The following TMEM131 variants were observed in gnomAD, a reference collection of about 807,000 sequenced individuals.
The protein encoded by TMEM131 is transmembrane protein 131, also known as 2610524E03Rik.
Under a neutral mutation model 211.6 loss-of-function variants are expected in TMEM131, and 66 were observed. The ratio of observed to expected loss-of-function variants is 0.31; its 90% CI spans 0.26 to 0.38. The LOEUF (loss-of-function observed/expected upper bound fraction) is 0.38. TMEM131 is among the 10% of genes least tolerant of loss of function. The pLI is 1.00. For missense variants in TMEM131, 2,036 were observed against 2,299.3 expected (o/e 0.89, Z 2.34); for synonymous variants, 844 against 841.3 (o/e 1.00, Z -0.06).
At chr2:97,850,220 G>A (rs577341122) in intron 5 of TMEM131, among the ~76,000 whole-genome samples, 1 of 152,208 alleles carries the variant, frequency 6.6e-6, no homozygotes, top group South Asian at 2.1e-4. Context: ...AAAAGAGAAT[G>A]TTCAAAAATG....
At chr2:97,995,212 G>A (rs1680439520) in intron 1 of TMEM131, among the ~76,000 whole-genome samples, 3 of 152,366 alleles carry the variant, frequency 2.0e-5, no homozygotes, top group Admixed American at 1.3e-4. Flanking sequence ...CTACCTAGCG[G>A]GCCAAGTGGC....
chr2:97,847,113 C>A, intron 5 of TMEM131, among the ~76,000 whole-genome samples: 1 of 125,946 alleles, frequency 7.9e-6, no homozygotes, highest in South Asian at 2.4e-4. Flanking sequence ...CGCTTGAACC[C>A]GGGAGACAGA....
At chr2:97,831,034 G>A (rs1682657380) in intron 11 of TMEM131, among the ~76,000 whole-genome samples, 1 of 152,198 alleles carries the variant, frequency 6.6e-6, no homozygotes, top group Non-Finnish European at 1.5e-5. Context: ...ACCTTAAGAA[G>A]AGCTCTGAAA....
At chr2:97,878,384 T>C (rs1338153267) in intron 4 of TMEM131, among the ~76,000 whole-genome samples, 1 of 152,158 alleles carries the variant, frequency 6.6e-6, no homozygotes, top group African/African-American at 2.4e-5. Flanking sequence ...CATTCTACTA[T>C]AAAGACACAT....
At chr2:97,932,183 C>A (rs919143197) in intron 1 of TMEM131, among the ~76,000 whole-genome samples, 4 of 149,844 alleles carry the variant, frequency 2.7e-5, no homozygotes, top group Non-Finnish European at 5.9e-5. Context: ...TAGAATTCAA[C>A]ATTGTTAAAT....
chr2:97,786,418 C>G (rs1680251985), intron 31 of TMEM131, among the ~76,000 whole-genome samples: 1 of 152,034 alleles, frequency 6.6e-6, no homozygotes, highest in Admixed American at 6.5e-5. Context: ...CCTACAAGTT[C>G]CAGCTACTTG....
intron 1 of TMEM131, among the ~76,000 whole-genome samples, chr2:97,993,660 C>T (rs1680357560): frequency 6.6e-6 from 1 of 152,234 alleles, no homozygotes; most frequent in Admixed American, 6.5e-5. Flanking sequence ...AGGCCACTGG[C>T]TGATTCAACC....
chr2:97,911,425 A>G (rs1676287275), intron 2 of TMEM131, among the ~76,000 whole-genome samples: 1 of 152,222 alleles, frequency 6.6e-6, no homozygotes, highest in South Asian at 2.1e-4. Flanking sequence ...ATTTAAACAC[A>G]TGCAGTTTAT....
chr2:97,956,403 G>C (rs1678568299), intron 1 of TMEM131, among the ~76,000 whole-genome samples: 1 of 152,054 alleles, frequency 6.6e-6, no homozygotes, highest in African/African-American at 2.4e-5. Context: ...ATTATACAGA[G>C]AACAATTATA....
At chr2:97,948,514 A>G (rs1383254807) in intron 1 of TMEM131, among the ~76,000 whole-genome samples, 1 of 152,246 alleles carries the variant, frequency 6.6e-6, no homozygotes, top group Non-Finnish European at 1.5e-5. Context: ...ACACCACTAC[A>G]TAACCAATAA....
At chr2:97,837,245 CCTAA>C (rs1407728186) in intron 7 of TMEM131, 88 bp from the exon 8 acceptor site, 41 of 921,368 alleles carry the variant, frequency 4.4e-5, no homozygotes, top group East Asian at 1.6e-4. Context: ...ATTCTGACAT[CCTAA>C]CTGTTTATCA....
At chr2:97,823,871 G>A (rs954137650) in intron 11 of TMEM131, among the ~76,000 whole-genome samples, 2 of 152,140 alleles carry the variant, frequency 1.3e-5, no homozygotes, top group Non-Finnish European at 2.9e-5. Context: ...TACCCAATCA[G>A]CCACAGATAA....
At chr2:97,860,962 CAGAG>C (rs1302976358) in intron 4 of TMEM131, among the ~76,000 whole-genome samples, 2 of 152,248 alleles carry the variant, frequency 1.3e-5, no homozygotes, top group South Asian at 4.1e-4. Context: ...CCAAGTGGCA[CAGAG>C]AGAGAGTCTG....
intron 31 of TMEM131, among the ~76,000 whole-genome samples, chr2:97,790,086 G>C (rs1455634950): frequency 6.6e-6 from 1 of 152,174 alleles, no homozygotes; most frequent in Non-Finnish European, 1.5e-5. Flanking sequence ...AGAAAAAAAA[G>C]AACGTGTTGC....
At chr2:97,881,070 C>T (rs1035837545) in intron 4 of TMEM131, among the ~76,000 whole-genome samples, 1 of 152,120 alleles carries the variant, frequency 6.6e-6, no homozygotes, top group Non-Finnish European at 1.5e-5. Flanking sequence ...TTATGAAAGA[C>T]GCAGGTTCTT....
intron 1 of TMEM131, among the ~76,000 whole-genome samples, chr2:97,954,279 A>C (rs899468394): frequency 6.6e-6 from 1 of 152,254 alleles, no homozygotes; most frequent in Non-Finnish European, 1.5e-5. Flanking sequence ...CAAGACTGAC[A>C]AAAAGGTGAA....
At chr2:97,920,213 G>A (rs1231535965) in intron 2 of TMEM131, among the ~76,000 whole-genome samples, 1 of 152,154 alleles carries the variant, frequency 6.6e-6, no homozygotes, top group African/African-American at 2.4e-5. Context: ...TTCACAGGCA[G>A]TAGCCCTCAA....
chr2:97,792,592 G>A lies in TMEM131; in HGVS notation c.3938C>T (p.Pro1313Leu), dbSNP rs1282022490. 1.2e-6 allele frequency: 2 copies of A among 1,613,008 alleles called. No homozygotes were observed. Among genetic ancestry groups the A allele is most frequent in the Admixed American group, 1.7e-5 (1 of 59,924 alleles). Residue 1313 changes from proline (P) to leucine (L), a missense_variant, in exon 31 of 41, where the codon CCC becomes CTC. By Grantham distance (98) the Pro-to-Leu change is moderately conservative. This residue lies in a region of TMEM131 where 1,623 missense variants were observed against 1,805.9 expected (regional missense o/e 0.90). Coordinates refer to ENST00000186436, the MANE Select transcript of TMEM131 (RefSeq NM_015348.2). The part of the protein sequence containing the change: ...QPPLPPPVPQ[P>L]QEPQPERLSP... ...CAGCCTTTCAGGCTGCGGCTCCTGG[G>A]GCTGAGGCACTGGCGGTGGCAGAGG... is the stretch of plus-strand genomic sequence containing the variant.
intron 1 of TMEM131, among the ~76,000 whole-genome samples, chr2:97,947,859 G>C (rs1404422903): frequency 6.6e-6 from 1 of 152,164 alleles, no homozygotes; most frequent in Non-Finnish European, 1.5e-5. Context: ...AAATAGAACA[G>C]AGACTCCAAA....
Sources: allele counts gnomAD v4.1 joint callset (sites outside exome capture counted in the v4.1 genomes callset), GRCh38; gene constraint gnomAD v4.1.1; regional missense constraint gnomAD v4.1.1; transcripts MANE v1.5; gene names NCBI Gene and HGNC (gene_info 2026-07-23, HGNC 2026-07-21).